The following KIF27 variants were observed in gnomAD, a reference collection of about 807,000 sequenced individuals.
KIF27 encodes kinesin family member 27.
Under a neutral mutation model 141.8 loss-of-function variants are expected in KIF27, and 84 were observed. That is an observed-to-expected ratio of 0.59 (90% confidence interval 0.50 to 0.71). The LOEUF is 0.71. Ranked by LOEUF, KIF27 falls within the 30% of genes least tolerant of loss-of-function variation. The pLI, the probability that KIF27 is intolerant of heterozygous loss-of-function variation, is 0.00. For synonymous variants in KIF27, 471 were observed against 569.5 expected, an observed-to-expected ratio of 0.83 and a Z score of 2.46; for missense variants, 1,306 against 1,628.4, an observed-to-expected ratio of 0.80 and a Z score of 3.41.
chr9:83,911,682 C>T (rs1955183274), intron 2 of KIF27, among the ~76,000 whole-genome samples: 1 of 152,108 alleles, frequency 6.6e-6, no homozygotes, highest in African/African-American at 2.4e-5. Context: ...GCTGGGATTA[C>T]AGGCGCACAC....
intron 5 of KIF27, among the ~76,000 whole-genome samples, chr9:83,895,897 A>G (rs1378325487): frequency 6.6e-6 from 1 of 151,898 alleles, no homozygotes; most frequent in Admixed American, 6.6e-5. Flanking sequence ...AAAAATACAA[A>G]AAAAATTAGC....
At chr9:83,885,344 C>G (rs1251803774) in intron 9 of KIF27, among the ~76,000 whole-genome samples, 1 of 152,134 alleles carries the variant, frequency 6.6e-6, no homozygotes, top group South Asian at 2.1e-4. Flanking sequence ...CTGCCCACCT[C>G]GGCCTCCCAA....
intron 12 of KIF27, among the ~76,000 whole-genome samples, chr9:83,869,588 G>A (rs1204685554): frequency 9.2e-5 from 14 of 152,082 alleles, no homozygotes; most frequent in Admixed American, 7.2e-4. Flanking sequence ...TTAGCCAGGC[G>A]TGGTGGTGGG....
chr9:83,844,303 TAG>T (rs1301384544), intron 16 of KIF27, among the ~76,000 whole-genome samples: 1 of 151,718 alleles, frequency 6.6e-6, no homozygotes, highest in African/African-American at 2.4e-5. Flanking sequence ...TTTATATATA[TAG>T]AGAGAGATAT....
rs758021431 is a variant in KIF27, at chr9:83,859,412, T to G, written c.2935-41A>C. ...CACCAGCCACCTCAAAAACAGTTAC[T>G]AGAAATCTAGACTGCATAAAAATTA... is the stretch of plus-strand genomic sequence containing the variant. On this transcript the variant is annotated intron_variant, in intron 13 of 17. Coordinates refer to ENST00000297814, the MANE Select transcript of KIF27 (RefSeq NM_017576.4). The G allele has an allele frequency of 2.2e-6, 3 of 1,373,948 alleles. No individual in the cohort carries two copies. The East Asian group carries it at 6.9e-5, about 31-fold the overall frequency. 85.1% of individuals were successfully genotyped at this position (1,373,948 alleles called of 1,614,324 possible).
intron 13 of KIF27, among the ~76,000 whole-genome samples, chr9:83,867,047 T>C (rs1203350189): frequency 1.3e-5 from 2 of 151,242 alleles, no homozygotes; most frequent in Admixed American, 1.3e-4. Flanking sequence ...CTAGTTTTTG[T>C]CTCTGGACAG....
rs768796984 is a variant in KIF27, at chr9:83,835,172, C to CAT, written c.*1827_*1828dup. On this transcript the variant is annotated 3_prime_UTR_variant, in exon 18 of 18. Coordinates refer to ENST00000297814, the MANE Select transcript of KIF27 (RefSeq NM_017576.4). Reference sequence around the variant, plus strand: ...ACTTGTATATGTACAAGTGTATATACATATATATATATGAAATATATATAA... The same window carrying CAT: ...ACTTGTATATGTACAAGTGTATATACATATATATATATATGAAATATATATAA... Among the ~76,000 whole-genome samples, 193 of 148,830 alleles carry CAT rather than the reference C, an allele frequency of 1.3e-3. No homozygotes were observed. The highest frequency in any genetic ancestry group is 3.5e-3 in the Middle Eastern group (1 of 282).
intron 14 of KIF27, 60 bp from the exon 15 acceptor site, chr9:83,853,895 T>C (rs764019170): frequency 1.6e-6 from 2 of 1,221,324 alleles, no homozygotes; most frequent in Non-Finnish European, 2.4e-6. Flanking sequence ...CTTTGTCATA[T>C]ACTCAGATCC....
chr9:83,875,568 G>A (rs1269548094), intron 11 of KIF27, among the ~76,000 whole-genome samples: 1 of 152,140 alleles, frequency 6.6e-6, no homozygotes, highest in African/African-American at 2.4e-5. Flanking sequence ...GTATAGAAGA[G>A]GGCAGAGACC....
intron 1 of KIF27, 82 bp downstream of exon 1, chr9:83,921,280 AGCGGCGGGC>A (rs1469458270): frequency 7.9e-5 from 12 of 151,890 alleles, no homozygotes; most frequent in Non-Finnish European, 1.5e-4. Context: ...GGGGCGCGGG[AGCGGCGGGC>A]GCGGCGGGCT....
intron 2 of KIF27, among the ~76,000 whole-genome samples, chr9:83,913,533 G>A (rs1263972514): frequency 6.6e-6 from 1 of 152,042 alleles, no homozygotes; most frequent in East Asian, 1.9e-4. Flanking sequence ...CGCCTCCCAG[G>A]TTCAAGCGAT....
chr9:83,842,670 G>T (rs1946726553), intron 16 of KIF27, among the ~76,000 whole-genome samples: 1 of 152,092 alleles, frequency 6.6e-6, no homozygotes. Context: ...GTTTCATCAT[G>T]TTAGCCAGGA....
At chr9:83,876,055 T>C (rs1347791770) in intron 11 of KIF27, among the ~76,000 whole-genome samples, 2 of 152,192 alleles carry the variant, frequency 1.3e-5, no homozygotes, top group Non-Finnish European at 2.9e-5. Context: ...ACGTACATGC[T>C]TAGCAAAGTA....
At chr9:83,915,937 T>C (rs1013565493) in intron 1 of KIF27, among the ~76,000 whole-genome samples, 18 of 152,194 alleles carry the variant, frequency 1.2e-4, no homozygotes, top group African/African-American at 4.3e-4. Context: ...TGGGATTCCA[T>C]TGGGCCTTTA....
chr9:83,859,681 A>G (rs28620099), intron 13 of KIF27: 70,606 of 273,594 alleles, frequency 0.26, 9,742 homozygotes, highest in Middle Eastern at 0.33. Context: ...ACAGGTGCTC[A>G]TCACCATGTG....
intron 2 of KIF27, among the ~76,000 whole-genome samples, chr9:83,908,959 T>C (rs1000627286): frequency 2.0e-5 from 3 of 152,122 alleles, no homozygotes; most frequent in Non-Finnish European, 2.9e-5. Flanking sequence ...AATTAACAAG[T>C]AACAGTTTTC....
Position 83,870,579 on chromosome 9 carries a change from G to A in KIF27, c.2697C>T (p.Asp899=). 1 of 1,613,668 alleles carries A rather than the reference G, an allele frequency of 6.2e-7. No homozygotes were observed. The highest frequency in any genetic ancestry group is 8.5e-7 in the Non-Finnish European group (1 of 1,179,824). The change falls in exon 12 of 18, where the codon GAC becomes GAT. Residue 899 remains aspartate (D), a synonymous_variant. Transcript: ENST00000297814. The stretch of plus-strand genomic sequence containing the variant: ...TCCTTTTCAAGTTACATGCATCAAG[G>A]TCCTCAGCTTTCGGTTTTAGACCTT... The part of the protein sequence containing the change: ...QEEGLKPKAE[D]LDACNLKRRK...
At chr9:83,920,812 C>T (rs1282357814) in intron 1 of KIF27, among the ~76,000 whole-genome samples, 1 of 151,974 alleles carries the variant, frequency 6.6e-6, no homozygotes, top group Non-Finnish European at 1.5e-5. Flanking sequence ...TGAATGTGCC[C>T]AAGGTTCAAC....
intron 5 of KIF27, among the ~76,000 whole-genome samples, chr9:83,894,332 T>C (rs1265887151): frequency 6.6e-6 from 1 of 152,188 alleles, no homozygotes; most frequent in African/African-American, 2.4e-5. Context: ...AACATCACAC[T>C]AGCAAACCAA....
Sources: allele counts gnomAD v4.1 joint callset (sites outside exome capture counted in the v4.1 genomes callset), GRCh38; gene constraint gnomAD v4.1.1; transcripts MANE v1.5; gene names NCBI Gene and HGNC (gene_info 2026-07-23, HGNC 2026-07-21).